The following IQANK1 variants were observed in gnomAD, a reference collection of about 807,000 sequenced individuals.
IQANK1 encodes IQ motif and ankyrin repeat containing 1, also known as IQ motif and ankyrin repeat domain-containing protein 1.
IQANK1 carries 30 observed loss-of-function variants against 22.6 expected under a neutral mutation model. The ratio of observed to expected loss-of-function variants is 1.33; its 90% CI spans 0.99 to 1.80. The LOEUF (loss-of-function observed/expected upper bound fraction) is 1.80. IQANK1 is among the 40% of genes most tolerant of loss of function. IQANK1 has a pLI of 0.00. For missense variants in IQANK1, 275 were observed against 235.2 expected (o/e 1.17, Z -1.11); for synonymous variants, 122 against 99.6 (o/e 1.23, Z -1.34).
At chr8:143,775,787 T>C (rs1296536073) in intron 7 of IQANK1, among the ~76,000 whole-genome samples, 1 of 129,428 alleles carries the variant, frequency 7.7e-6, no homozygotes, top group African/African-American at 3.0e-5. Flanking sequence ...ATAGCTGTAT[T>C]ACACACACAC....
intron 3 of IQANK1, among the ~76,000 whole-genome samples, chr8:143,749,871 A>G (rs1365844631): frequency 6.6e-6 from 1 of 151,434 alleles, no homozygotes; most frequent in African/African-American, 2.4e-5. Flanking sequence ...CCTGCTTCAT[A>G]TATTTTGATG....
intron 3 of IQANK1, among the ~76,000 whole-genome samples, chr8:143,755,565 TG>T (rs1819276210): frequency 6.6e-6 from 1 of 152,148 alleles, no homozygotes; most frequent in Non-Finnish European, 1.5e-5. Context: ...GGTTTCATCA[TG>T]TTGGCCAGGC....
rs1178549968 is a variant in IQANK1, at chr8:143,790,184, G to A, written c.1337G>A (p.Arg446His). 24 of 1,231,988 alleles carry A rather than the reference G, an allele frequency of 1.9e-5. No individual in the cohort carries two copies. Among genetic ancestry groups the A allele is most frequent in the Admixed American group, 8.4e-5 (2 of 23,698 alleles). The allele number at this position is 1,231,988 out of a possible 1,614,324, so 76.3% of individuals were successfully genotyped here. ...DPLGQAATFL[R>H]YQDTNYVDTV... is the part of the protein sequence containing the mutation. ...TTGGGCCAGGCGGCCACCTTCCTGC[G>A]CTACCAGGATACCAACTATGTGGAC... is the stretch of plus-strand genomic sequence containing the variant. Residue 446 changes from arginine (R) to histidine (H), a missense_variant, in exon 13 of 14, where the codon CGC becomes CAC. Coordinates refer to ENST00000527139, the MANE Select transcript of IQANK1 (RefSeq NM_001381874.1).
intron 3 of IQANK1, chr8:143,743,181 C>T: frequency 2.6e-6 from 1 of 378,272 alleles, no homozygotes; most frequent in Non-Finnish European, 5.3e-6. Context: ...TGGCTCTCCA[C>T]TTCTGCCTCC....
chr8:143,740,040 C>T (rs530850045), intron 3 of IQANK1, 92 bp downstream of exon 3: 1 of 602,818 alleles, frequency 1.7e-6, no homozygotes, highest in Non-Finnish European at 3.0e-6. Flanking sequence ...AGTGTGGGCG[C>T]GCGCTTGCGT....
chr8:143,785,253 C>CTTTTTTT (rs36118052), intron 7 of IQANK1, among the ~76,000 whole-genome samples: 2 of 92,038 alleles, frequency 2.2e-5, no homozygotes, highest in African/African-American at 3.6e-5. Flanking sequence ...TGTTCTGTAT[C>CTTTTTTT]TTTTTTTTTT....
chr8:143,774,975 G>GGGGGCAGGAAAAGCGGGGAGAGAT lies in IQANK1; in HGVS notation c.789+2499_789+2522dup, dbSNP rs533725968. ...GGCTGCAGGGGTTACGGATGGGAGT[G>GGGGGCAGGAAAAGCGGGGAGAGAT]GGGGCAGGAAAAGCGGGGAGAGATG... On this transcript the variant is annotated intron_variant, in intron 7 of 13. Coordinates refer to ENST00000527139, the MANE Select transcript of IQANK1 (RefSeq NM_001381874.1). The surrounding 1 kb of genome is among the most constrained non-coding windows in gnomAD (Gnocchi z 4.2). Among the ~76,000 whole-genome samples the GGGGGCAGGAAAAGCGGGGAGAGAT allele has an allele frequency of 2.2e-3, 336 of 152,214 alleles. 1 individual carries two copies. The highest frequency in any genetic ancestry group is 7.6e-3 in the African/African-American group (316 of 41,500).
intron 3 of IQANK1, among the ~76,000 whole-genome samples, chr8:143,748,877 T>TATATATATCATATATAAATATATAA (rs1554627631): frequency 4.3e-5 from 4 of 92,904 alleles, no homozygotes; most frequent in South Asian, 2.9e-4. Flanking sequence ...AATATATAAA[T>TATATATATCATATATAAATATATAA]ATATATATCA....
Position 143,777,520 on chromosome 8 carries a change from TAA to T in IQANK1, c.789+5056_789+5057del, listed in dbSNP as rs58155811. Among the ~76,000 whole-genome samples the T allele has an allele frequency of 6.3e-3, 622 of 98,386 alleles. 3 individuals carry two copies. The highest frequency in any genetic ancestry group is 0.02 in the African/African-American group (557 of 27,358). The allele number at this position is 98,386 out of a possible 152,430, so 64.5% of individuals were successfully genotyped here. On this transcript the variant is annotated intron_variant, in intron 7 of 13. Coordinates refer to ENST00000527139, the MANE Select transcript of IQANK1 (RefSeq NM_001381874.1). ...TGGGCGACAGAACAAGACTCCGTCT[TAA>T]AAAAAAAAAAAAAAAAACAAACCAC... is the stretch of plus-strand genomic sequence containing the variant.
intron 2 of IQANK1, chr8:143,739,650 C>A: frequency 2.2e-6 from 1 of 448,508 alleles, no homozygotes; most frequent in Non-Finnish European, 3.9e-6. Context: ...CTGTGCCTCC[C>A]TGAGGCCCCC....
rs1819562383 is a variant in IQANK1 at position 143,771,142 on chromosome 8, C to A, written c.176-346C>A. Among the ~76,000 whole-genome samples the A allele has an allele frequency of 6.6e-6, 1 of 152,222 alleles. No individual in the cohort carries two copies. The highest frequency in any genetic ancestry group is 1.5e-5 in the Non-Finnish European group (1 of 68,030). Reference sequence around the variant, plus strand: ...CGCTGGGGCCTGGATGCAGGAGGGGCCTTCGGCTTTCAGGGAAGGGTGTCC... The same window carrying A: ...CGCTGGGGCCTGGATGCAGGAGGGGACTTCGGCTTTCAGGGAAGGGTGTCC... On this transcript the variant is annotated intron_variant, in intron 3 of 13. Coordinates refer to ENST00000527139, the MANE Select transcript of IQANK1 (RefSeq NM_001381874.1). The surrounding 1 kb of genome is among the most constrained non-coding windows in gnomAD (Gnocchi z 6.0).
At chr8:143,789,315 GA>G in intron 9 of IQANK1, 72 bp downstream of exon 9, 1 of 448,580 alleles carries the variant, frequency 2.2e-6, no homozygotes, top group Non-Finnish European at 3.7e-6. Context: ...GGAGCCGAGG[GA>G]GGGCCAGGAA....
At chr8:143,785,031 C>T (rs1819861173) in intron 7 of IQANK1, among the ~76,000 whole-genome samples, 1 of 152,082 alleles carries the variant, frequency 6.6e-6, no homozygotes, top group African/African-American at 2.4e-5. Flanking sequence ...GCACTTTGTC[C>T]TTAATTTTGG....
At chr8:143,787,049 A>G (rs1819902514) in intron 7 of IQANK1, among the ~76,000 whole-genome samples, 2 of 152,198 alleles carry the variant, frequency 1.3e-5, no homozygotes, top group African/African-American at 4.8e-5. Flanking sequence ...GAAACTGCTC[A>G]GAAGCAGGAT....
chr8:143,761,731 C>T (rs888794606), intron 3 of IQANK1, among the ~76,000 whole-genome samples: 83 of 152,104 alleles, frequency 5.5e-4, no homozygotes, highest in African/African-American at 1.9e-3. Flanking sequence ...TCACTATACT[C>T]CAGCCCATAA....
intron 7 of IQANK1, among the ~76,000 whole-genome samples, chr8:143,778,607 G>A (rs1045493727): frequency 6.6e-6 from 1 of 152,116 alleles, no homozygotes; most frequent in Admixed American, 6.6e-5. Context: ...ACAAGTAGAC[G>A]GAATATCAGC....
Position 143,760,945 on chromosome 8 carries a change from C to T in IQANK1, c.176-10543C>T, listed in dbSNP as rs541274585. 2.6e-5 allele frequency among the ~76,000 whole-genome samples: 4 copies of T among 152,230 alleles called. No individual in the cohort carries two copies. In the South Asian group the frequency reaches 8.3e-4, roughly 32 times the overall value. ...GCGGTGGCATGGGGTCGACTTTGGA[C>T]TTAGGAAGACTGCGCGGGGCGGGAC... On this transcript the variant is annotated intron_variant, in intron 3 of 13. Coordinates refer to ENST00000527139, the MANE Select transcript of IQANK1 (RefSeq NM_001381874.1).
intron 3 of IQANK1, among the ~76,000 whole-genome samples, chr8:143,755,449 C>T (rs1191616162): frequency 2.0e-5 from 3 of 152,122 alleles, no homozygotes; most frequent in Admixed American, 6.6e-5. Context: ...CTGCAACCTC[C>T]GCCTCCCAGG....
intron 7 of IQANK1, among the ~76,000 whole-genome samples, chr8:143,777,687 T>G (rs1819715914): frequency 6.6e-6 from 1 of 152,020 alleles, no homozygotes; most frequent in Non-Finnish European, 1.5e-5. Flanking sequence ...CTCTAAAGCC[T>G]AAAGCAACTA....
Sources: gnomAD v4.1 joint callset for allele counts (sites outside exome capture counted in the v4.1 genomes callset) on GRCh38, gnomAD v4.1.1 for gene constraint, Gnocchi (gnomAD v3.1) non-coding constraint, MANE v1.5 for transcripts, NCBI Gene and HGNC (gene_info 2026-07-23, HGNC 2026-07-21) for gene names.